Variants in TTC13 observed in about 807,000 individuals in gnomAD.
TTC13 encodes the protein tetratricopeptide repeat protein 13.
A neutral mutation model predicts 120.0 loss-of-function variants in TTC13; 62 were observed. The ratio of observed to expected loss-of-function variants is 0.52; its 90% confidence interval spans 0.42 to 0.64. The LOEUF (loss-of-function observed/expected upper bound fraction) is 0.64. Among genes scored for constraint, TTC13 ranks in the 30% least tolerant of loss-of-function variants. The probability of loss-of-function intolerance (pLI) is 0.00; values close to 1 mark genes in which losing one functional copy is unlikely to be tolerated. For missense variants in TTC13, 824 were observed against 1,050.2 expected, an observed-to-expected ratio of 0.78 and a Z score of 2.98; for synonymous variants, 384 against 393.5, an observed-to-expected ratio of 0.98 and a Z score of 0.28.
intron 8 of TTC13, among the ~76,000 whole-genome samples, chr1:230,935,219 T>C (rs370612324): frequency 1.3e-5 from 2 of 152,212 alleles, no homozygotes; most frequent in East Asian, 3.8e-4. Context: ...TAAACATATA[T>C]TGAGCGCCTA....
Position 230,942,827 on chromosome 1 carries a change from G to A in TTC13, c.672+979C>T, listed in dbSNP as rs903805380. ...ATGGGACTGGATCAGCTCTAGCCTC[G>A]CTTCCTCCGACAGCCTCAGCAAACA... On this transcript the variant is annotated intron_variant, in intron 6 of 22. Transcript: ENST00000366661. The surrounding 1 kb of genome is among the most constrained non-coding windows in gnomAD (Gnocchi z 4.0). Among the ~76,000 whole-genome samples the A allele has an allele frequency of 1.2e-4, 18 of 152,168 alleles. No individual in the cohort carries two copies. The South Asian group carries it at 1.5e-3, about 12-fold the overall frequency.
chr1:230,913,844 G>T (rs1671747763), intron 18 of TTC13, among the ~76,000 whole-genome samples: 1 of 152,190 alleles, frequency 6.6e-6, no homozygotes, highest in African/African-American at 2.4e-5. Context: ...ATTCCAGTCG[G>T]ACTAGCAGGC....
chr1:230,938,449 G>A (rs201141177), intron 8 of TTC13, among the ~76,000 whole-genome samples: 5 of 152,326 alleles, frequency 3.3e-5, no homozygotes, highest in East Asian at 1.9e-4. Flanking sequence ...ACATGGAATC[G>A]AGTGCCCAGG....
intron 1 of TTC13, among the ~76,000 whole-genome samples, chr1:230,970,607 G>T (rs1392854196): frequency 6.6e-6 from 1 of 152,176 alleles, no homozygotes; most frequent in African/African-American, 2.4e-5. Flanking sequence ...GAGCAAGGAA[G>T]TTGTTTTCTC....
Position 230,961,270 on chromosome 1 carries a change from C to T in TTC13, c.305G>A (p.Cys102Tyr). The change falls in exon 2 of 23, where the codon TGC (cysteine) becomes TAC (tyrosine). Residue 102 changes from cysteine to tyrosine, a missense_variant. Cys to Tyr is a radical substitution (Grantham distance 194). Transcript: ENST00000366661. ...ACAGGGTGATGATCCCTTGGGTTCG[C>T]AGTCTGAGTCATGGAAGTTCAAAAA... ...SSFLNFHDSDCEPKGSSPCDS... is the reference protein window; with the variant it reads ...SSFLNFHDSDYEPKGSSPCDS... 1.2e-6 allele frequency: 2 copies of T among 1,613,988 alleles called. No homozygotes were observed. The highest frequency in any genetic ancestry group is 1.7e-5 in the Admixed American group (1 of 59,990).
intron 4 of TTC13, among the ~76,000 whole-genome samples, chr1:230,949,520 A>G (rs1202270416): frequency 6.6e-6 from 1 of 150,918 alleles, no homozygotes; most frequent in Non-Finnish European, 1.5e-5. Flanking sequence ...TGCCCCACAC[A>G]GAGGCCCTCG....
intron 4 of TTC13, 78 bp downstream of exon 4, chr1:230,954,255 A>T: frequency 1.0e-6 from 1 of 976,622 alleles, no homozygotes; most frequent in Non-Finnish European, 1.6e-6. Context: ...GTCGTATTAC[A>T]GCACTTCAGC....
chr1:230,909,072 C>A, intron 20 of TTC13, 52 bp from the exon 21 acceptor site: 1 of 1,471,074 alleles, frequency 6.8e-7, no homozygotes, highest in Non-Finnish European at 9.3e-7. Context: ...CTACAGTTAC[C>A]ATGTTAAATT....
Position 230,940,329 on chromosome 1 carries a change from C to T in TTC13, c.789+111G>A, listed in dbSNP as rs1674424766. The T allele has an allele frequency of 1.7e-5, 11 of 644,686 alleles. No individual in the cohort carries two copies. The South Asian group carries it at 1.9e-4, about 11-fold the overall frequency. The allele number at this position is 644,686 out of a possible 1,614,324, so 39.9% of individuals were successfully genotyped here. A position where few individuals can be genotyped will look rare whatever the true frequency, so the allele number is the denominator to read the frequency against. Reference sequence around the variant, plus strand: ...GCTTTTATAACTCTTATGACACAGACATATTACTAAACAGTCAAAGCCCAA... The same window carrying T: ...GCTTTTATAACTCTTATGACACAGATATATTACTAAACAGTCAAAGCCCAA... On this transcript the variant is annotated intron_variant, in intron 7 of 22. Transcript: ENST00000366661. The surrounding 1 kb of genome is among the most constrained non-coding windows in gnomAD (Gnocchi z 4.1).
intron 3 of TTC13, among the ~76,000 whole-genome samples, chr1:230,955,147 A>G (rs1459474694): frequency 6.6e-6 from 1 of 152,140 alleles, no homozygotes; most frequent in African/African-American, 2.4e-5. Flanking sequence ...TTACATTGCC[A>G]TCTATAAAAT....
At chr1:230,947,077 G>A (rs1675070968) in intron 4 of TTC13, among the ~76,000 whole-genome samples, 1 of 151,898 alleles carries the variant, frequency 6.6e-6, no homozygotes. Flanking sequence ...TTTTAAAACA[G>A]ACATGCTCAT....
intron 4 of TTC13, among the ~76,000 whole-genome samples, chr1:230,946,685 G>A (rs1234370975): frequency 2.6e-5 from 4 of 152,166 alleles, no homozygotes; most frequent in African/African-American, 9.7e-5. Flanking sequence ...TAAGAGACTA[G>A]AGCTAAGCAC....
intron 17 of TTC13, among the ~76,000 whole-genome samples, chr1:230,919,733 C>T (rs1672388446): frequency 6.6e-6 from 1 of 152,182 alleles, no homozygotes. Flanking sequence ...TATGGTCTTA[C>T]TTTTAAACTG....
At chr1:230,937,381 C>T (rs985802710) in intron 8 of TTC13, among the ~76,000 whole-genome samples, 1 of 152,136 alleles carries the variant, frequency 6.6e-6, no homozygotes, top group Non-Finnish European at 1.5e-5. Context: ...TCTTTTTCTC[C>T]TCCATGAGAT....
rs752223584 is a variant in TTC13 at position 230,945,548 on chromosome 1, C to A, written c.514-94G>T. On this transcript the variant is annotated intron_variant, in intron 4 of 22. Transcript: ENST00000366661. The stretch of plus-strand genomic sequence containing the variant: ...TAAAGCACGTTAATGCCGCAAGTGA[C>A]AGCTCTACTTCTTTATGCTACGACC... The A allele has an allele frequency of 4.0e-4, 445 of 1,106,792 alleles. 4 individuals carry two copies. Among genetic ancestry groups the A allele is most frequent in the Non-Finnish European group, 8.9e-5 (64 of 720,950 alleles). The allele number at this position is 1,106,792 out of a possible 1,614,324, so 68.6% of individuals were successfully genotyped here.
At chr1:230,912,822 GT>G (rs568533589) in intron 18 of TTC13, 64 bp from the exon 19 acceptor site, 69 of 1,513,516 alleles carry the variant, frequency 4.6e-5, no homozygotes, top group African/African-American at 1.5e-4. Flanking sequence ...AACACAGAAA[GT>G]TTTTTTTAAA....
At chr1:230,918,955 C>G (rs185940200) in intron 17 of TTC13, among the ~76,000 whole-genome samples, 2 of 152,322 alleles carry the variant, frequency 1.3e-5, no homozygotes, top group Admixed American at 6.5e-5. Flanking sequence ...GCAATTCTAA[C>G]TGCTGTTGGC....
chr1:230,963,423 G>A (rs1474583266), intron 1 of TTC13, among the ~76,000 whole-genome samples: 1 of 86,562 alleles, frequency 1.2e-5, no homozygotes, highest in Non-Finnish European at 2.3e-5. Flanking sequence ...CCAATCCCTT[G>A]AGCCCAGGAG....
intron 9 of TTC13, 27 bp from the exon 10 acceptor site, chr1:230,931,904 A>G (rs200207381): frequency 1.9e-6 from 3 of 1,608,194 alleles, no homozygotes; most frequent in East Asian, 4.5e-5. Flanking sequence ...AGTTATGAAT[A>G]CAGTATAGAT....
Sources: gnomAD v4.1 joint callset for allele counts (sites outside exome capture counted in the v4.1 genomes callset) on GRCh38, gnomAD v4.1.1 for gene constraint, Gnocchi (gnomAD v3.1) non-coding constraint, MANE v1.5 for transcripts, NCBI Gene and HGNC (gene_info 2026-07-23, HGNC 2026-07-21) for gene names.